KCNN2: variants seen among roughly 807,000 people sequenced by gnomAD.
KCNN2 encodes the protein potassium calcium-activated channel subfamily N member 2.
Under a neutral mutation model 55.5 loss-of-function variants are expected in KCNN2, and 24 were observed. The ratio of observed to expected loss-of-function variants is 0.43; its 90% confidence interval spans 0.31 to 0.61. The LOEUF (loss-of-function observed/expected upper bound fraction) is 0.61, where lower values mean the gene tolerates loss of function less well. KCNN2 is among the 20% of genes least tolerant of loss of function. The probability of loss-of-function intolerance (pLI) is 0.08; values close to 1 mark genes in which losing one functional copy is unlikely to be tolerated. For synonymous variants in KCNN2, 431 were observed against 336.1 expected (o/e 1.28, Z -3.09); for missense variants, 754 against 853.6 (o/e 0.88, Z 1.45).
intron 1 of KCNN2, among the ~76,000 whole-genome samples, chr5:114,190,505 A>G (rs1445843895): frequency 6.6e-6 from 1 of 152,194 alleles, no homozygotes; most frequent in Non-Finnish European, 1.5e-5. Flanking sequence ...TACATTCATA[A>G]GCACAAAAAC....
intron 1 of KCNN2, among the ~76,000 whole-genome samples, chr5:114,060,681 C>T (rs12520827): frequency 0.12 from 18,844 of 152,160 alleles, 1,295 homozygotes; most frequent in East Asian, 0.25. Context: ...GTCACAATCT[C>T]TTAGAGACTA....
intron 3 of KCNN2, among the ~76,000 whole-genome samples, chr5:114,441,427 C>T (rs1760209963): frequency 6.6e-6 from 1 of 152,100 alleles, no homozygotes; most frequent in Admixed American, 6.6e-5. Flanking sequence ...TATGTGATGC[C>T]ATAAAATACA....
upstream of KCNN2, among the ~76,000 whole-genome samples, chr5:114,357,894 G>A (rs931057459): frequency 6.6e-6 from 1 of 151,404 alleles, no homozygotes; most frequent in African/African-American, 2.4e-5. Flanking sequence ...CACAATGGTT[G>A]AACTAGTTTA....
chr5:114,227,441 TGTACTC>T (rs1027586105), intron 2 of KCNN2, among the ~76,000 whole-genome samples: 4 of 152,186 alleles, frequency 2.6e-5, no homozygotes, highest in African/African-American at 9.7e-5. Flanking sequence ...CCCGTACTGT[TGTACTC>T]TTACTCTTAC....
At chr5:114,111,090 C>A (rs1029331851) in intron 1 of KCNN2, among the ~76,000 whole-genome samples, 1 of 152,100 alleles carries the variant, frequency 6.6e-6, no homozygotes. Context: ...TACTACGAGG[C>A]TCTAGTAACA....
chr5:114,446,091 A>G lies in KCNN2; in HGVS notation c.1638-16958A>G, dbSNP rs561707056. Among the ~76,000 whole-genome samples, 121 of 152,326 alleles carry G rather than the reference A, an allele frequency of 7.9e-4. 1 individual carries two copies. The highest frequency in any genetic ancestry group is 1.9e-3 in the African/African-American group (81 of 41,568). ...CCCCAGTACTTGGTACAGTCTTCCT[A>G]TGAACTAGGGGAGTACTACCTGTCT... On this transcript the variant is annotated intron_variant, in intron 3 of 7. Transcript: ENST00000673685.
intron 2 of KCNN2, among the ~76,000 whole-genome samples, chr5:114,401,636 G>A (rs1182218584): frequency 6.6e-6 from 1 of 152,176 alleles, no homozygotes; most frequent in Non-Finnish European, 1.5e-5. Flanking sequence ...AAAGGAGGGA[G>A]TTTCCAGATT....
chr5:114,215,386 A>C (rs1182892490), intron 1 of KCNN2, among the ~76,000 whole-genome samples: 1 of 152,168 alleles, frequency 6.6e-6, no homozygotes, highest in Non-Finnish European at 1.5e-5. Flanking sequence ...AGCTAGATAA[A>C]GAATAACAAA....
At chr5:114,156,517 T>C (rs1180300971) in intron 1 of KCNN2, among the ~76,000 whole-genome samples, 1 of 152,162 alleles carries the variant, frequency 6.6e-6, no homozygotes, top group Non-Finnish European at 1.5e-5. Context: ...TCCATGAGGA[T>C]GGAAGGTTTT....
chr5:114,209,721 ACTGCTAAAATCTCTGTT>A (rs1283464090), intron 1 of KCNN2, among the ~76,000 whole-genome samples: 2 of 152,220 alleles, frequency 1.3e-5, no homozygotes, highest in Non-Finnish European at 2.9e-5. Flanking sequence ...AAAAAAGCTA[ACTGCTAAAATCTCTGTT>A]CAGCTTTCTT....
intron 2 of KCNN2, among the ~76,000 whole-genome samples, chr5:114,401,479 A>C (rs553768963): frequency 6.6e-6 from 1 of 152,216 alleles, no homozygotes; most frequent in Non-Finnish European, 1.5e-5. Flanking sequence ...ATAACAAGGA[A>C]GTTTATTTAT....
chr5:114,334,128 C>T (rs894418482), intron 2 of KCNN2, among the ~76,000 whole-genome samples: 1 of 152,058 alleles, frequency 6.6e-6, no homozygotes, highest in African/African-American at 2.4e-5. Context: ...GATTCTGGGC[C>T]AGTCTTTTTA....
intron 5 of KCNN2, among the ~76,000 whole-genome samples, chr5:114,480,055 CA>C (rs201553507): frequency 3.3e-5 from 5 of 149,616 alleles, no homozygotes; most frequent in African/African-American, 9.8e-5. Context: ...AATAACCCTT[CA>C]AAAAAAAATC....
intron 1 of KCNN2, among the ~76,000 whole-genome samples, chr5:114,146,245 A>G (rs990720089): frequency 1.4e-4 from 21 of 152,198 alleles, no homozygotes; most frequent in African/African-American, 4.1e-4. Context: ...AACATGAGCA[A>G]TGCCAAGTTT....
chr5:114,220,309 GA>G (rs1484401150), intron 1 of KCNN2, among the ~76,000 whole-genome samples: 1 of 151,896 alleles, frequency 6.6e-6, no homozygotes, highest in African/African-American at 2.4e-5. Flanking sequence ...AGCAATGCTG[GA>G]AAAAATATTT....
chr5:114,248,648 A>G (rs1754796629), intron 2 of KCNN2, among the ~76,000 whole-genome samples: 1 of 152,218 alleles, frequency 6.6e-6, no homozygotes, highest in African/African-American at 2.4e-5. Flanking sequence ...TTTCAAATTT[A>G]TTTACAGAGA....
intron 2 of KCNN2, among the ~76,000 whole-genome samples, chr5:114,302,602 A>T (rs1021723940): frequency 6.6e-6 from 1 of 152,210 alleles, no homozygotes; most frequent in Non-Finnish European, 1.5e-5. Context: ...ATTTTATTTA[A>T]CACTGCATCC....
At chr5:114,474,857 C>T (rs1761898151) in intron 5 of KCNN2, among the ~76,000 whole-genome samples, 1 of 151,634 alleles carries the variant, frequency 6.6e-6, no homozygotes, top group African/African-American at 2.4e-5. Context: ...CTTAAAATAC[C>T]ATGTCGCCCA....
At chr5:114,058,924 C>T (rs920357704) in intron 1 of KCNN2, among the ~76,000 whole-genome samples, 1 of 152,126 alleles carries the variant, frequency 6.6e-6, no homozygotes, top group South Asian at 2.1e-4. Context: ...TTACTTACTG[C>T]GCAGGAGACC....
Sources: gnomAD v4.1 joint callset for allele counts (sites outside exome capture counted in the v4.1 genomes callset) on GRCh38, gnomAD v4.1.1 for gene constraint, MANE v1.5 for transcripts, NCBI Gene and HGNC (gene_info 2026-07-23, HGNC 2026-07-21) for gene names.